Variants in DIP2A observed in about 807,000 individuals in gnomAD.
DIP2A encodes DIP2 acetate--CoA ligase A.
DIP2A carries 85 observed loss-of-function variants against 177.4 expected under a neutral mutation model. The observed-to-expected ratio is 0.48, with a 90% CI of 0.40 to 0.57. DIP2A has a LOEUF of 0.57. Ranked by LOEUF, DIP2A falls within the 20% of genes least tolerant of loss-of-function variation. The pLI, the probability that DIP2A is intolerant of heterozygous loss-of-function variation, is 0.00. For synonymous variants in DIP2A, 886 were observed against 881.8 expected, an observed-to-expected ratio of 1.00 and a Z score of -0.08; for missense variants, 1,791 against 2,100.2, an observed-to-expected ratio of 0.85 and a Z score of 2.88.
intron 8 of DIP2A, among the ~76,000 whole-genome samples, chr21:46,516,288 C>T (rs941814372): frequency 6.6e-6 from 1 of 151,908 alleles, no homozygotes; most frequent in Admixed American, 6.6e-5. Flanking sequence ...AAATTACAGC[C>T]ATCTTCTCTT....
At chr21:46,495,237 CTCTTCTT>C (rs1274426032) in intron 3 of DIP2A, among the ~76,000 whole-genome samples, 83 of 61,878 alleles carry the variant, frequency 1.3e-3, no homozygotes, top group African/African-American at 3.2e-3. Flanking sequence ...CTCTTCTCTT[CTCTTCTT>C]TCTCTCTCTC....
chr21:46,524,729 A>G (rs1168792620), intron 8 of DIP2A, among the ~76,000 whole-genome samples: 4 of 152,110 alleles, frequency 2.6e-5, no homozygotes, highest in African/African-American at 9.7e-5. Flanking sequence ...AATTTTTTAT[A>G]TTATATTCTG....
intron 18 of DIP2A, among the ~76,000 whole-genome samples, chr21:46,543,154 C>G (rs957257738): frequency 2.6e-5 from 4 of 151,346 alleles, no homozygotes; most frequent in African/African-American, 9.8e-5. Flanking sequence ...TTGAACCTGT[C>G]GTAAAATAAT....
chr21:46,478,168 A>G (rs2056068737), intron 1 of DIP2A, among the ~76,000 whole-genome samples: 6 of 151,066 alleles, frequency 4.0e-5, no homozygotes, highest in Admixed American at 3.3e-4. Flanking sequence ...ATTTCCCTAT[A>G]TACTTTGGAA....
At chr21:46,488,555 G>A (rs1008116501) in intron 2 of DIP2A, among the ~76,000 whole-genome samples, 2 of 152,174 alleles carry the variant, frequency 1.3e-5, no homozygotes, top group South Asian at 2.1e-4. Context: ...GAAATCCAAA[G>A]GAGAGGAAAT....
In DIP2A at chr21:46,459,071, C is replaced by CGCT. The variant is rs1310271699; in HGVS notation, c.-58_-56dup. On this transcript the variant is annotated 5_prime_UTR_variant, in exon 1 of 38. Transcript: ENST00000417564. Reference sequence around the variant, plus strand: ...AGGGGAGCTACGTAGCCGAGGTTTGCGCTGCCGCCGCCAGGCCCGGTCCGG... The same window carrying CGCT: ...AGGGGAGCTACGTAGCCGAGGTTTGCGCTGCTGCCGCCGCCAGGCCCGGTCCGG... 22 of 1,348,898 alleles carry CGCT rather than the reference C, an allele frequency of 1.6e-5. No individual in the cohort carries two copies. The highest frequency in any genetic ancestry group is 3.0e-5 in the East Asian group (1 of 32,858). 83.6% of individuals were successfully genotyped at this position (1,348,898 alleles called of 1,614,324 possible).
chr21:46,487,069 C>A (rs1336118433), intron 2 of DIP2A, among the ~76,000 whole-genome samples: 1 of 152,168 alleles, frequency 6.6e-6, no homozygotes, highest in Non-Finnish European at 1.5e-5. Context: ...TCACAGAAGC[C>A]AGCACACCAT....
At chr21:46,518,814 A>G (rs1301905494) in intron 8 of DIP2A, among the ~76,000 whole-genome samples, 1 of 152,238 alleles carries the variant, frequency 6.6e-6, no homozygotes, top group African/African-American at 2.4e-5. Flanking sequence ...CCAAGATTGC[A>G]CCGCTGCACT....
At chr21:46,513,062 C>A (rs2058385592) in intron 8 of DIP2A, among the ~76,000 whole-genome samples, 1 of 151,002 alleles carries the variant, frequency 6.6e-6, no homozygotes, top group Non-Finnish European at 1.5e-5. Context: ...TTAATTATGG[C>A]TTTTAATGAA....
intron 21 of DIP2A, among the ~76,000 whole-genome samples, chr21:46,547,659 T>TTA (rs1205283620): frequency 8.0e-6 from 1 of 124,348 alleles, no homozygotes; most frequent in Non-Finnish European, 1.8e-5. Flanking sequence ...GGGGTGCCTT[T>TTA]TTTTTTTTTT....
chr21:46,495,244 T>TTCTCTCTCTCTC (rs371550332), intron 3 of DIP2A, among the ~76,000 whole-genome samples: 494 of 38,086 alleles, frequency 0.013, 32 homozygotes, highest in South Asian at 0.017. Context: ...CTTCTCTTCT[T>TTCTCTCTCTCTC]TCTCTCTCTC....
Position 46,553,927 on chromosome 21 carries a change from GC to G in DIP2A, c.3031-241del, listed in dbSNP as rs1390638144. On this transcript the variant is annotated intron_variant, in intron 25 of 37. Transcript: ENST00000417564. ...GCCTGTAATCCCAGCACTTTGAGAGGCTGAGGCGGGCAGATCACTTGAGGTC... is the reference window on the plus strand; with the variant it reads ...GCCTGTAATCCCAGCACTTTGAGAGGTGAGGCGGGCAGATCACTTGAGGTC... 2.4e-5 allele frequency: 8 copies of G among 337,658 alleles called. No individual in the cohort carries two copies. In the Admixed American group the frequency reaches 2.5e-4, roughly 11 times the overall value. 20.9% of individuals were successfully genotyped at this position (337,658 alleles called of 1,614,324 possible). A position where few individuals can be genotyped will look rare whatever the true frequency, so the allele number is the denominator to read the frequency against.
chr21:46,493,412 C>G (rs969296883), intron 3 of DIP2A, among the ~76,000 whole-genome samples: 1 of 152,114 alleles, frequency 6.6e-6, no homozygotes, highest in African/African-American at 2.4e-5. Context: ...GTTTCTTGCT[C>G]TCTTTTCGTG....
Position 46,541,820 on chromosome 21 carries a change from G to A in DIP2A, c.2101G>A (p.Gly701Ser), listed in dbSNP as rs746690241. Residue 701 changes from glycine (G) to serine (S), a missense_variant, in exon 18 of 38, where the codon GGT becomes AGT. By Grantham distance (56) the Gly-to-Ser change is moderately conservative. Transcript: ENST00000417564. ...AVLSMNGLSY[G>S]VIRVDTEEKL... ...CCTGTCGATGAACGGTCTAAGTTAT[G>A]GTGTTATCAGAGTGGATACTGAAGA... is the stretch of plus-strand genomic sequence containing the variant. The A allele has an allele frequency of 3.1e-6, 5 of 1,613,938 alleles. No individual in the cohort carries two copies. The highest frequency in any genetic ancestry group is 4.5e-5 in the East Asian group (2 of 44,884).
At chr21:46,526,568 G>A (rs967070997) in intron 8 of DIP2A, among the ~76,000 whole-genome samples, 1 of 151,760 alleles carries the variant, frequency 6.6e-6, no homozygotes, top group African/African-American at 2.4e-5. Context: ...CTGATTTTTT[G>A]TATTTTAGTA....
intron 1 of DIP2A, among the ~76,000 whole-genome samples, chr21:46,483,301 AG>A (rs1490313771): frequency 6.6e-6 from 1 of 152,208 alleles, no homozygotes; most frequent in African/African-American, 2.4e-5. Flanking sequence ...CACTATAGAA[AG>A]AAGCTATAAG....
In DIP2A at chr21:46,556,151, A is replaced by G. The variant is rs755458971; in HGVS notation, c.3498+60A>G. ...TAGAAATCAGGAGGAGTGGACAGAA[A>G]GGATGTCAGATGCAGATTTAAACTG... On this transcript the variant is annotated intron_variant, in intron 29 of 37. Transcript: ENST00000417564. This position sits in a 1 kb window ranked among gnomAD's most constrained non-coding sequence, Gnocchi z 4.5. 3.1e-5 allele frequency: 46 copies of G among 1,493,560 alleles called. No homozygotes were observed. Among genetic ancestry groups the G allele is most frequent in the Non-Finnish European group, 6.5e-6 (7 of 1,073,502 alleles). The allele number at this position is 1,493,560 out of a possible 1,614,324, so 92.5% of individuals were successfully genotyped here. A position where few individuals can be genotyped will look rare whatever the true frequency, so the allele number is the denominator to read the frequency against.
intron 1 of DIP2A, among the ~76,000 whole-genome samples, chr21:46,479,552 G>T (rs1172812550): frequency 6.6e-6 from 1 of 151,876 alleles, no homozygotes; most frequent in Admixed American, 6.6e-5. Flanking sequence ...TTTTTTTAAG[G>T]TCTCATTCTG....
intron 16 of DIP2A, 170 bp from the exon 17 acceptor site, chr21:46,539,707 C>G (rs2059726480): frequency 3.0e-6 from 2 of 660,088 alleles, no homozygotes; most frequent in African/African-American, 1.8e-5. Flanking sequence ...TACCATCTTC[C>G]TTGAAGAACA....
Sources: allele counts gnomAD v4.1 joint callset (sites outside exome capture counted in the v4.1 genomes callset), GRCh38; gene constraint gnomAD v4.1.1; non-coding constraint Gnocchi (gnomAD v3.1); transcripts MANE v1.5; gene names NCBI Gene and HGNC (gene_info 2026-07-23, HGNC 2026-07-21).